The following TG variants were observed in gnomAD, a reference collection of about 807,000 sequenced individuals.
TG encodes the protein thyroglobulin.
TG carries 270 observed loss-of-function variants against 324.7 expected under a neutral mutation model. The observed-to-expected ratio is 0.83, with a 90% CI of 0.75 to 0.92. The LOEUF is 0.92. Among genes scored for constraint, TG ranks in the 40% least tolerant of loss-of-function variants. The pLI is 0.00. For synonymous variants in TG, 1,401 were observed against 1,327.0 expected, an observed-to-expected ratio of 1.06 and a Z score of -1.21; for missense variants, 3,591 against 3,456.4, an observed-to-expected ratio of 1.04 and a Z score of -0.98.
intron 41 of TG, among the ~76,000 whole-genome samples, chr8:133,041,025 A>G (rs1452555393): frequency 6.6e-6 from 1 of 152,186 alleles, no homozygotes; most frequent in Non-Finnish European, 1.5e-5. Flanking sequence ...GCTTCTCCCT[A>G]GCCCATGTTA....
chr8:133,120,895 G>T (rs1176108974), intron 45 of TG, among the ~76,000 whole-genome samples: 1 of 152,208 alleles, frequency 6.6e-6, no homozygotes, highest in African/African-American at 2.4e-5. Flanking sequence ...TTGGACCTTG[G>T]ATTGGGGTGG....
At chr8:133,128,999 T>TCTG (rs1240616958) in intron 45 of TG, among the ~76,000 whole-genome samples, 2 of 152,154 alleles carry the variant, frequency 1.3e-5, no homozygotes, top group South Asian at 2.1e-4. Context: ...TGGGTCTTCC[T>TCTG]CTGCTGCTGC....
chr8:132,967,556 T>C (rs1828807240), intron 30 of TG, among the ~76,000 whole-genome samples: 1 of 152,196 alleles, frequency 6.6e-6, no homozygotes, highest in South Asian at 2.1e-4. Flanking sequence ...GTTTGAGGTT[T>C]GTCCCTTATG....
intron 16 of TG, 47 bp from the exon 17 acceptor site, chr8:132,906,641 C>T (rs1479010388): frequency 6.2e-7 from 1 of 1,608,710 alleles, no homozygotes; most frequent in Middle Eastern, 2.0e-4. Flanking sequence ...CTCAGTCGTC[C>T]CGAGGCTGGG....
At chr8:132,902,573 A>C (rs1320434746) in intron 16 of TG, among the ~76,000 whole-genome samples, 1 of 152,140 alleles carries the variant, frequency 6.6e-6, no homozygotes, top group Non-Finnish European at 1.5e-5. Flanking sequence ...CTTCATCCGC[A>C]TCTTGACTCT....
chr8:133,131,123 A>G (rs545878175), intron 45 of TG, among the ~76,000 whole-genome samples: 1 of 152,346 alleles, frequency 6.6e-6, no homozygotes, highest in East Asian at 1.9e-4. Context: ...GGTGAAATCC[A>G]TCCTGGCTTT....
At chr8:132,904,595 T>G (rs1420407868) in intron 16 of TG, among the ~76,000 whole-genome samples, 1 of 152,122 alleles carries the variant, frequency 6.6e-6, no homozygotes, top group East Asian at 1.9e-4. Context: ...GGAATAAGGC[T>G]GTGGGAAAAC....
intron 41 of TG, among the ~76,000 whole-genome samples, chr8:133,091,259 T>C (rs1327722921): frequency 2.0e-5 from 3 of 152,240 alleles, no homozygotes; most frequent in Admixed American, 6.5e-5. Context: ...AGGAGCTCAC[T>C]GAGCACCTGC....
chr8:132,916,537 TTC>T (rs1820308055), intron 20 of TG, among the ~76,000 whole-genome samples: 1 of 152,210 alleles, frequency 6.6e-6, no homozygotes, highest in African/African-American at 2.4e-5. Flanking sequence ...TAAAGCAGGA[TTC>T]TCTGTGTCAT....
chr8:133,133,317 C>T lies in TG; in HGVS notation c.7998-153C>T, dbSNP rs572460692. The T allele has an allele frequency of 3.9e-4, 309 of 796,928 alleles. No homozygotes were observed. The African/African-American group carries it at 4.8e-3, about 12-fold the overall frequency. 49.4% of individuals were successfully genotyped at this position (796,928 alleles called of 1,614,324 possible). On this transcript the variant is annotated intron_variant, in intron 46 of 47. Transcript: ENST00000220616. ...TGCAGTGCAGTCAAGATCACAACCC[C>T]AGAAGCCAGATTTAGGGAGTTCACA...
At chr8:133,080,956 A>G (rs768315145) in intron 41 of TG, among the ~76,000 whole-genome samples, 6 of 152,222 alleles carry the variant, frequency 3.9e-5, no homozygotes, top group Non-Finnish European at 8.8e-5. Context: ...TTTTATTTGC[A>G]TCCTAGGAAT....
chr8:132,951,129 T>C (rs1303833655), intron 27 of TG, among the ~76,000 whole-genome samples: 1 of 152,224 alleles, frequency 6.6e-6, no homozygotes, highest in South Asian at 2.1e-4. Context: ...GTGGTATTGA[T>C]ATTAGATGAT....
At chr8:132,927,703 G>A (rs1335638421) in intron 22 of TG, among the ~76,000 whole-genome samples, 1 of 152,184 alleles carries the variant, frequency 6.6e-6, no homozygotes, top group Non-Finnish European at 1.5e-5. Flanking sequence ...TAACTGAAGT[G>A]CTAAATTTAC....
chr8:133,095,080 CA>C lies in TG; in HGVS notation c.7277del (p.His2426LeufsTer47). On this transcript the variant is annotated frameshift_variant, in exon 42 of 48. Coordinates refer to ENST00000220616, the MANE Select transcript of TG (RefSeq NM_003235.5). LOFTEE classifies it high-confidence loss of function. Reference sequence around the variant, plus strand: ...ACTCTCCCCGGCCGCCGTCATCAGCCATGAGAGGGCTCAGCAGCAGGCAATT... The same window carrying C: ...ACTCTCCCCGGCCGCCGTCATCAGCCTGAGAGGGCTCAGCAGCAGGCAATT... ...SALSPAAVIS[H>X]ERAQQQAIAL... 1 of 1,614,162 alleles carries C rather than the reference CA, an allele frequency of 6.2e-7. No individual in the cohort carries two copies. Among genetic ancestry groups the C allele is most frequent in the Non-Finnish European group, 8.5e-7 (1 of 1,180,040 alleles).
intron 26 of TG, 82 bp downstream of exon 26, chr8:132,941,624 G>A: frequency 6.5e-7 from 1 of 1,528,300 alleles, no homozygotes; most frequent in Non-Finnish European, 9.0e-7. Context: ...ACAACATGGA[G>A]CTGCATGGGG....
At chr8:133,111,022 GA>G (rs1280424192) in intron 43 of TG, among the ~76,000 whole-genome samples, 12 of 152,104 alleles carry the variant, frequency 7.9e-5, no homozygotes, top group African/African-American at 2.9e-4. Context: ...TCAGAGAGAG[GA>G]AAAAATATAT....
At chr8:132,927,375 G>T (rs926845654) in intron 22 of TG, among the ~76,000 whole-genome samples, 7 of 151,984 alleles carry the variant, frequency 4.6e-5, no homozygotes, top group African/African-American at 1.5e-4. Flanking sequence ...CCTTTGCCCT[G>T]GAAGGAGATG....
chr8:132,895,611 C>G (rs192924046), intron 11 of TG, among the ~76,000 whole-genome samples: 1 of 152,356 alleles, frequency 6.6e-6, no homozygotes, highest in Admixed American at 6.5e-5. Context: ...TTCTTTCTCT[C>G]TCTTCCGTCC....
chr8:132,948,928 C>A lies in TG; in HGVS notation c.5386C>A (p.Gln1796Lys). The change falls in exon 27 of 48, where the codon CAG (glutamine) becomes AAG (lysine). Residue 1796 changes from glutamine to lysine, a missense_variant. Gln to Lys is a moderately conservative substitution (Grantham distance 53). Transcript: ENST00000220616. ...CCAGGTGATATTGCGTCTTGGAGAC[C>A]AGGAGTTCATCAAGAGTAAGTCTTT... ...SHQVILRLGD[Q>K]EFIKSLTPLE... The A allele has an allele frequency of 6.2e-7, 1 of 1,613,748 alleles. No individual in the cohort carries two copies. Among genetic ancestry groups the A allele is most frequent in the Non-Finnish European group, 8.5e-7 (1 of 1,180,014 alleles).
Sources: gnomAD v4.1 joint callset for allele counts (sites outside exome capture counted in the v4.1 genomes callset) on GRCh38, gnomAD v4.1.1 for gene constraint, MANE v1.5 for transcripts, NCBI Gene and HGNC (gene_info 2026-07-23, HGNC 2026-07-21) for gene names.